ROBO2: variants seen among roughly 807,000 people sequenced by gnomAD.
ROBO2 encodes the protein roundabout guidance receptor 2, also known as roundabout homolog 2.
ROBO2 carries 53 observed loss-of-function variants against 160.8 expected under a neutral mutation model. That is an observed-to-expected ratio of 0.33 (90% CI 0.26 to 0.41). The LOEUF (loss-of-function observed/expected upper bound fraction) is 0.41. ROBO2 is among the 10% of genes least tolerant of loss of function. The probability of loss-of-function intolerance (pLI) is 1.00; values close to 1 mark genes in which losing one functional copy is unlikely to be tolerated. For synonymous variants in ROBO2, 664 were observed against 611.7 expected (o/e 1.09, Z -1.26); for missense variants, 1,577 against 1,722.4 (o/e 0.92, Z 1.49).
At chr3:77,151,971 A>C (rs1364531624) in intron 2 of ROBO2, among the ~76,000 whole-genome samples, 2 of 152,122 alleles carry the variant, frequency 1.3e-5, no homozygotes, top group African/African-American at 4.8e-5. Flanking sequence ...CACACTTTCT[A>C]CTACTGTAAC....
At chr3:75,937,841 T>TTATATAAATA (rs1553704459) in intron 2 of ROBO2, among the ~76,000 whole-genome samples, 1 of 105,526 alleles carries the variant, frequency 9.5e-6, no homozygotes, top group African/African-American at 4.2e-5. Flanking sequence ...GGAATTGATT[T>TTATATAAATA]TATATATATA....
At chr3:76,683,140 A>T (rs2092606240) in intron 2 of ROBO2, among the ~76,000 whole-genome samples, 1 of 152,132 alleles carries the variant, frequency 6.6e-6, no homozygotes, top group African/African-American at 2.4e-5. Flanking sequence ...GCAACAGAGT[A>T]ATTGTGGCAT....
At chr3:76,396,932 C>G (rs552738737) in intron 2 of ROBO2, among the ~76,000 whole-genome samples, 1 of 152,274 alleles carries the variant, frequency 6.6e-6, no homozygotes, top group East Asian at 1.9e-4. Context: ...CCATCCCCAT[C>G]AAGCTACCAA....
intron 2 of ROBO2, among the ~76,000 whole-genome samples, chr3:76,648,248 A>C (rs1209665507): frequency 6.6e-6 from 1 of 152,206 alleles, no homozygotes; most frequent in Non-Finnish European, 1.5e-5. Context: ...CATTAAAAAT[A>C]AATCTTTTGA....
chr3:77,382,767 G>T (rs2073673351), intron 2 of ROBO2, among the ~76,000 whole-genome samples: 1 of 152,188 alleles, frequency 6.6e-6, no homozygotes. Flanking sequence ...TCTTATGGCT[G>T]AGTAGTATTC....
intron 15 of ROBO2, among the ~76,000 whole-genome samples, chr3:77,578,950 G>A (rs1027669362): frequency 6.6e-6 from 1 of 151,836 alleles, no homozygotes. Context: ...CCATATTTTG[G>A]TTTCAAAGCA....
intron 2 of ROBO2, among the ~76,000 whole-genome samples, chr3:75,993,439 A>G (rs968065031): frequency 1.3e-5 from 2 of 152,140 alleles, no homozygotes; most frequent in East Asian, 3.9e-4. Flanking sequence ...TCCTTCTGCC[A>G]TGAATGTGAG....
At chr3:76,627,090 G>A (rs1054226537) in intron 2 of ROBO2, among the ~76,000 whole-genome samples, 5 of 152,168 alleles carry the variant, frequency 3.3e-5, no homozygotes, top group African/African-American at 9.7e-5. Context: ...TTCTTGATGT[G>A]ACAGTTACCC....
rs1440879854 is a variant in ROBO2, at chr3:76,764,248, A to T, written c.110-333766A>T. Among the ~76,000 whole-genome samples the T allele has an allele frequency of 2.5e-5, 3 of 121,724 alleles. No individual in the cohort carries two copies. In the East Asian group the frequency reaches 7.1e-4, roughly 29 times the overall value. 79.9% of individuals were successfully genotyped at this position (121,724 alleles called of 152,430 possible). A position where few individuals can be genotyped will look rare whatever the true frequency, so the allele number is the denominator to read the frequency against. On this transcript the variant is annotated intron_variant, in intron 2 of 26. Transcript: ENST00000487694. ...CATAACCCAAAACATGTCACGGCTA[A>T]GTTAAATTATGTCAACACCTGATTT... is the stretch of plus-strand genomic sequence containing the variant.
Position 76,758,344 on chromosome 3 carries a change from G to A in ROBO2, c.110-339670G>A, listed in dbSNP as rs138966857. ...AGACAAGCTTGCCTGTACTAAAACA[G>A]AGGAATTGTCTTTGGCGTCAAGGAA... On this transcript the variant is annotated intron_variant, in intron 2 of 26. Transcript: ENST00000487694. Among the ~76,000 whole-genome samples the A allele has an allele frequency of 3.9e-3, 599 of 151,882 alleles. 2 individuals are homozygous for A. Among genetic ancestry groups the A allele is most frequent in the Middle Eastern group, 0.01 (3 of 294 alleles).
intron 2 of ROBO2, among the ~76,000 whole-genome samples, chr3:76,193,988 A>G (rs913446705): frequency 6.6e-6 from 1 of 152,128 alleles, no homozygotes; most frequent in African/African-American, 2.4e-5. Flanking sequence ...TCAAGTTCTC[A>G]CAGCCAATAA....
At chr3:76,825,733 T>C (rs1415833372) in intron 2 of ROBO2, among the ~76,000 whole-genome samples, 1 of 150,890 alleles carries the variant, frequency 6.6e-6, no homozygotes, top group East Asian at 2.0e-4. Flanking sequence ...TCAGTGTGAG[T>C]AGTGAGAAAA....
chr3:76,444,213 A>C (rs1182703921), intron 2 of ROBO2, among the ~76,000 whole-genome samples: 3 of 152,050 alleles, frequency 2.0e-5, no homozygotes, highest in African/African-American at 7.2e-5. Context: ...CTCATGACCT[A>C]GTGATCCACC....
At chr3:76,376,092 A>G (rs1008589568) in intron 2 of ROBO2, among the ~76,000 whole-genome samples, 23 of 152,114 alleles carry the variant, frequency 1.5e-4, no homozygotes, top group African/African-American at 4.6e-4. Flanking sequence ...CAAAGTACTT[A>G]TCATATTTGT....
At chr3:76,276,325 A>G (rs140059862) in intron 2 of ROBO2, among the ~76,000 whole-genome samples, 11,544 of 152,070 alleles carry the variant, frequency 0.076, 742 homozygotes, top group African/African-American at 0.17. Flanking sequence ...TTAGCCACAT[A>G]TGGCTATTTA....
chr3:76,408,282 G>A (rs1422315846), intron 2 of ROBO2, among the ~76,000 whole-genome samples: 1 of 152,074 alleles, frequency 6.6e-6, no homozygotes, highest in African/African-American at 2.4e-5. Flanking sequence ...GTTGGCATGG[G>A]TAACAGTGCA....
rs78871370 is a variant in ROBO2, at chr3:76,802,122, A to G, written c.110-295892A>G. Reference sequence around the variant, plus strand: ...TAAACGAATACTAATACATTTTTGCATATTGTGGGAATTATCAAAATATGA... The same window carrying G: ...TAAACGAATACTAATACATTTTTGCGTATTGTGGGAATTATCAAAATATGA... On this transcript the variant is annotated intron_variant, in intron 2 of 26. Transcript: ENST00000487694. Among the ~76,000 whole-genome samples the G allele has an allele frequency of 3.3e-5, 5 of 152,264 alleles. No individual in the cohort carries two copies. The East Asian group carries it at 9.7e-4, about 29-fold the overall frequency.
At chr3:76,590,764 T>C (rs1206777333) in intron 2 of ROBO2, among the ~76,000 whole-genome samples, 1 of 152,126 alleles carries the variant, frequency 6.6e-6, no homozygotes, top group Non-Finnish European at 1.5e-5. Flanking sequence ...GTATAGCTTA[T>C]TGACACTTTC....
chr3:76,742,820 A>G (rs2093824830), intron 2 of ROBO2, among the ~76,000 whole-genome samples: 1 of 149,000 alleles, frequency 6.7e-6, no homozygotes, highest in African/African-American at 2.5e-5. Context: ...CCACACACAT[A>G]TTCACACATA....
Sources: gnomAD v4.1 joint callset for allele counts (sites outside exome capture counted in the v4.1 genomes callset) on GRCh38, gnomAD v4.1.1 for gene constraint, MANE v1.5 for transcripts, NCBI Gene and HGNC (gene_info 2026-07-23, HGNC 2026-07-21) for gene names.